Variants in ANK2 observed in about 807,000 individuals in gnomAD.
The protein encoded by ANK2 is ankyrin-2.
A neutral mutation model predicts 360.5 loss-of-function variants in ANK2; 83 were observed. The observed-to-expected ratio is 0.23, with a 90% CI of 0.19 to 0.28. ANK2 has a LOEUF of 0.28. ANK2 is among the 10% of genes least tolerant of loss of function. The pLI is 1.00. For missense variants in ANK2, 4,201 were observed against 4,795.7 expected (o/e 0.88, Z 3.66); for synonymous variants, 1,740 against 1,759.5 (o/e 0.99, Z 0.28).
chr4:113,297,307 TA>T (rs2072190706), intron 22 of ANK2, among the ~76,000 whole-genome samples: 1 of 152,228 alleles, frequency 6.6e-6, no homozygotes, highest in African/African-American at 2.4e-5. Flanking sequence ...TGTATTTTCT[TA>T]AAAAGACATA....
chr4:112,959,743 A>G (rs1214178952), intron 2 of ANK2, among the ~76,000 whole-genome samples: 3 of 152,196 alleles, frequency 2.0e-5, no homozygotes, highest in African/African-American at 7.2e-5. Flanking sequence ...CAGTAAGATT[A>G]AAGAGTGGAA....
intron 28 of ANK2, 86 bp from the exon 29 acceptor site, chr4:113,332,968 C>T (rs2153940430): frequency 1.3e-6 from 2 of 1,589,896 alleles, no homozygotes; most frequent in Admixed American, 1.7e-5. Context: ...AGAAGAATTC[C>T]AGGTCACTTT....
chr4:112,710,570 C>T, the ANK2 span, among the ~76,000 whole-genome samples: 1 of 151,790 alleles, frequency 6.6e-6, no homozygotes, highest in Non-Finnish European at 1.5e-5. Context: ...TGGTGGCGGG[C>T]GCCTGCAATC....
At chr4:112,791,353 C>T in the ANK2 span, among the ~76,000 whole-genome samples, 1 of 151,964 alleles carries the variant, frequency 6.6e-6, no homozygotes, top group Non-Finnish European at 1.5e-5. Context: ...TTTTGAGCAG[C>T]ATATATAGGG....
In ANK2 at chr4:113,383,465, A is replaced by T. The variant is rs897576471; in HGVS notation, c.*1994A>T. ...AAAGCATTTCTGTTGTGTTATTTGC[A>T]GTGCAGATGATGTCTGTGTAACAAC... On this transcript the variant is annotated 3_prime_UTR_variant, in exon 46 of 46. Transcript: ENST00000357077. 2.0e-5 allele frequency: 3 copies of T among 152,654 alleles called. No homozygotes were observed. Among genetic ancestry groups the T allele is most frequent in the Non-Finnish European group, 4.4e-5 (3 of 68,038 alleles). 9.5% of individuals were successfully genotyped at this position (152,654 alleles called of 1,614,324 possible).
Position 113,359,130 on chromosome 4 carries a change from C to T in ANK2, c.10512C>T (p.Asp3504=), listed in dbSNP as rs1162076185. ...AGAGGGAGCAGGAAATAGTTTCAGA[C>T]GATGAAAGTAGTAGTGCCCTGGAAG... ...QSEREQEIVS[D]DESSSALEVS... is the part of the protein sequence containing the mutation. The change falls in exon 38 of 46, where the codon GAC becomes GAT. Residue 3504 remains aspartate (D), a synonymous_variant. Transcript: ENST00000357077. 1.9e-5 allele frequency: 31 copies of T among 1,613,806 alleles called. No homozygotes were observed. Among genetic ancestry groups the T allele is most frequent in the East Asian group, 4.5e-5 (2 of 44,888 alleles).
the ANK2 span, among the ~76,000 whole-genome samples, chr4:112,719,304 A>G: frequency 6.6e-6 from 1 of 152,212 alleles, no homozygotes; most frequent in African/African-American, 2.4e-5. Context: ...CATGCCAGGT[A>G]TCATGTTGGG....
chr4:113,110,742 AT>A (rs2094202771), intron 1 of ANK2, among the ~76,000 whole-genome samples: 1 of 152,162 alleles, frequency 6.6e-6, no homozygotes, highest in Admixed American at 6.6e-5. Flanking sequence ...TTTTATAAGT[AT>A]TCTATATTTA....
chr4:113,002,314 A>G (rs1015507401), intron 2 of ANK2, among the ~76,000 whole-genome samples: 1 of 152,200 alleles, frequency 6.6e-6, no homozygotes, highest in Admixed American at 6.5e-5. Flanking sequence ...AACCAACCCA[A>G]ATGTCCAACA....
chr4:113,092,186 G>C (rs2088627892), intron 1 of ANK2, among the ~76,000 whole-genome samples: 1 of 152,078 alleles, frequency 6.6e-6, no homozygotes, highest in African/African-American at 2.4e-5. Context: ...TGAAAATTAC[G>C]GTGAGACTAT....
chr4:112,778,842 A>G, the ANK2 span, among the ~76,000 whole-genome samples: 1 of 152,188 alleles, frequency 6.6e-6, no homozygotes, highest in Admixed American at 6.5e-5. Flanking sequence ...TCTGGGGGAA[A>G]TCGAATGTGT....
At chr4:113,136,762 T>TG (rs1179227034) in intron 1 of ANK2, among the ~76,000 whole-genome samples, 1 of 27,604 alleles carries the variant, frequency 3.6e-5, no homozygotes, top group Non-Finnish European at 7.2e-5. Flanking sequence ...GGATTTTGGC[T>TG]TTTTTTTTTT....
At position 113,357,803 on chromosome 4, in the gene ANK2, A is replaced by G. The variant is rs1029760186; in HGVS notation, c.9185A>G (p.Glu3062Gly). Reference sequence around the variant, plus strand: ...GCCTTTGAGGCTCGTGTGAAAGAGGAAGAACAAAAGATATTTGGTTTGATG... The same window carrying G: ...GCCTTTGAGGCTCGTGTGAAAGAGGGAGAACAAAAGATATTTGGTTTGATG... ...DEAFEARVKE[E>G]EQKIFGLMVD... is the part of the protein sequence containing the mutation. Residue 3062 changes from glutamate (E) to glycine (G), a missense_variant, in exon 38 of 46, where the codon GAA (glutamate) becomes GGA (glycine). Glu to Gly is a moderately conservative substitution (Grantham distance 98). This residue lies in a region of ANK2 where 2,642 missense variants were observed against 2,714.5 expected (regional missense o/e 0.97). Coordinates refer to ENST00000357077, the MANE Select transcript of ANK2 (RefSeq NM_001148.6). The G allele has an allele frequency of 3.1e-6, 5 of 1,613,902 alleles. No homozygotes were observed. The Admixed American group carries it at 5.0e-5, about 16-fold the overall frequency.
At chr4:113,215,935 A>T (rs2099080604) in intron 4 of ANK2, among the ~76,000 whole-genome samples, 1 of 152,152 alleles carries the variant, frequency 6.6e-6, no homozygotes, top group Admixed American at 6.5e-5. Flanking sequence ...TACACAACTT[A>T]ATAAGGAAAG....
chr4:112,911,417 G>A (rs1352479767), intron 2 of ANK2, among the ~76,000 whole-genome samples: 1 of 151,868 alleles, frequency 6.6e-6, no homozygotes, highest in African/African-American at 2.4e-5. Context: ...CTCATACTCC[G>A]GAGGCTGAGG....
chr4:113,253,611 T>C (rs747651835), intron 10 of ANK2, among the ~76,000 whole-genome samples: 1 of 152,102 alleles, frequency 6.6e-6, no homozygotes, highest in Non-Finnish European at 1.5e-5. Flanking sequence ...CCATGTCATG[T>C]TGGACTCTTC....
At chr4:112,794,621 G>T in the ANK2 span, among the ~76,000 whole-genome samples, 1 of 152,142 alleles carries the variant, frequency 6.6e-6, no homozygotes, top group East Asian at 1.9e-4. Flanking sequence ...TGAGTTTGTT[G>T]CTCTGTTTTA....
At chr4:112,910,037 A>C (rs187696406) in intron 2 of ANK2, among the ~76,000 whole-genome samples, 8 of 152,242 alleles carry the variant, frequency 5.3e-5, no homozygotes, top group Admixed American at 3.3e-4. Context: ...AAAATTTTGC[A>C]AACAAATAAA....
At chr4:112,989,483 T>C (rs1454227197) in intron 2 of ANK2, among the ~76,000 whole-genome samples, 1 of 152,246 alleles carries the variant, frequency 6.6e-6, no homozygotes, top group Non-Finnish European at 1.5e-5. Flanking sequence ...TAATTGATTC[T>C]GCAGAGAAAA....
Sources: allele counts gnomAD v4.1 joint callset (sites outside exome capture counted in the v4.1 genomes callset), GRCh38; gene constraint gnomAD v4.1.1; regional missense constraint gnomAD v4.1.1; transcripts MANE v1.5; gene names NCBI Gene and HGNC (gene_info 2026-07-23, HGNC 2026-07-21).